Variants in ARHGAP32 observed in about 807,000 individuals in gnomAD.
ARHGAP32 encodes the protein rho GTPase-activating protein 32.
A neutral mutation model predicts 186.5 loss-of-function variants in ARHGAP32; 51 were observed. That is an observed-to-expected ratio of 0.27 (90% CI 0.22 to 0.35). The LOEUF is 0.35. ARHGAP32 is among the 10% of genes least tolerant of loss of function. The pLI, the probability that ARHGAP32 is intolerant of heterozygous loss-of-function variation, is 1.00. For synonymous variants in ARHGAP32, 950 were observed against 964.3 expected (o/e 0.99, Z 0.27); for missense variants, 2,186 against 2,623.5 (o/e 0.83, Z 3.64).
intron 6 of ARHGAP32, 57 bp from the exon 7 acceptor site, chr11:129,066,925 A>G: frequency 7.4e-7 from 1 of 1,358,812 alleles, no homozygotes. Context: ...ATACTTATGA[A>G]TCAGGCCATA....
chr11:129,041,099 C>T (rs966159119), intron 10 of ARHGAP32, 90 bp from the exon 11 acceptor site: 7 of 757,564 alleles, frequency 9.2e-6, no homozygotes, highest in East Asian at 2.8e-5. Context: ...ATGTATTCTA[C>T]AGTCCCTCCC....
Position 129,097,111 on chromosome 11 carries a change from C to CA in ARHGAP32, c.445-3405dup, listed in dbSNP as rs964246293. Among the ~76,000 whole-genome samples the CA allele has an allele frequency of 3.8e-3, 508 of 135,240 alleles. 1 individual carries two copies. Among genetic ancestry groups the CA allele is most frequent in the African/African-American group, 0.011 (386 of 36,726 alleles). 88.7% of individuals were successfully genotyped at this position (135,240 alleles called of 152,430 possible). A position where few individuals can be genotyped will look rare whatever the true frequency, so the allele number is the denominator to read the frequency against. On this transcript the variant is annotated intron_variant, in intron 5 of 22. Coordinates refer to ENST00000682385, the MANE Select transcript of ARHGAP32 (RefSeq NM_001378024.1). ...TCATTAGATTCAAATGTCCATTTTT[C>CA]AAAAAAAAAAAAATCACAAGGCATA...
chr11:129,098,344 C>T (rs1336692703), intron 5 of ARHGAP32, among the ~76,000 whole-genome samples: 1 of 152,218 alleles, frequency 6.6e-6, no homozygotes, highest in East Asian at 1.9e-4. Context: ...TTTTTGTTAT[C>T]TAAATGATTT....
chr11:129,193,726 A>ATATATTATATATTTATTATATAT (rs1555111394), upstream of ARHGAP32, among the ~76,000 whole-genome samples: 91 of 85,702 alleles, frequency 1.1e-3, no homozygotes, highest in African/African-American at 4.0e-3. Flanking sequence ...ATTATATATT[A>ATATATTATATATTTATTATATAT]TATATAATAT....
chr11:129,029,824 A>AAAC, intron 11 of ARHGAP32, among the ~76,000 whole-genome samples: 1 of 150,906 alleles, frequency 6.6e-6, no homozygotes, highest in Non-Finnish European at 1.5e-5. Context: ...AAAAAAAAAA[A>AAAC]AACGGGTAGG....
chr11:129,162,783 C>A (rs555681763), intron 2 of ARHGAP32, among the ~76,000 whole-genome samples: 10 of 152,196 alleles, frequency 6.6e-5, no homozygotes, highest in Admixed American at 2.0e-4. Flanking sequence ...ATATAAGAAA[C>A]ACTGACGATA....
rs371972872 is a variant in ARHGAP32 at position 128,968,989 on chromosome 11, T to C, written c.6224A>G (p.Tyr2075Cys). 4.0e-5 allele frequency: 64 copies of C among 1,604,054 alleles called. No homozygotes were observed. Among genetic ancestry groups the C allele is most frequent in the Non-Finnish European group, 5.2e-5 (61 of 1,173,112 alleles). The change falls in exon 23 of 23, where the codon TAT becomes TGT. Residue 2075 changes from tyrosine to cysteine, a missense_variant. Physicochemically the swap from Tyr to Cys is radical, Grantham distance 194. Around this residue, in one of 5 missense-constraint regions of ARHGAP32, gnomAD observed 1,502 missense variants for 1,570.0 expected, o/e 0.96. Coordinates refer to ENST00000682385, the MANE Select transcript of ARHGAP32 (RefSeq NM_001378024.1). ...GGCCCCTTGACCCAACGCTGTAGCA[T>C]AGGTCCTGCTCTGTGGATGGGGAAA... Reference protein sequence around the residue: ...PGFPHPQSRTYATALGQGAFL... With the variant: ...PGFPHPQSRTCATALGQGAFL...
At position 129,062,322 on chromosome 11, in the gene ARHGAP32, C is replaced by T. The variant is rs771862535; in HGVS notation, c.921G>A (p.Pro307=). 6.8e-6 allele frequency: 11 copies of T among 1,613,610 alleles called. No individual in the cohort carries two copies. The highest frequency in any genetic ancestry group is 6.7e-5 in the East Asian group (3 of 44,852). Residue 307 remains proline, a synonymous_variant, in exon 10 of 23, where the codon CCG becomes CCA. Transcript: ENST00000682385. ...GDIVSVIDMP[P]KVLSTWWRGK... ...CTCTCCACCATGTGCTTAACACTTT[C>T]GGGGGCATGTCAATAACAGAAACAA...
chr11:129,075,369 G>C (rs1941002819), intron 6 of ARHGAP32, among the ~76,000 whole-genome samples: 1 of 152,144 alleles, frequency 6.6e-6, no homozygotes, highest in Non-Finnish European at 1.5e-5. Context: ...AGACTTCAGA[G>C]CAAAGAAAGT....
intron 1 of ARHGAP32, among the ~76,000 whole-genome samples, chr11:129,168,317 A>G (rs1387811562): frequency 3.3e-5 from 5 of 152,188 alleles, no homozygotes; most frequent in Non-Finnish European, 7.3e-5. Flanking sequence ...TAGAAAATGG[A>G]AGGATTACAA....
In ARHGAP32 at chr11:128,971,057, A is replaced by C. The variant is rs146921997; in HGVS notation, c.4156T>G (p.Cys1386Gly). The change falls in exon 23 of 23, where the codon TGT becomes GGT. Residue 1386 changes from cysteine (C) to glycine (G), a missense_variant. Around this residue, in one of 5 missense-constraint regions of ARHGAP32, gnomAD observed 1,502 missense variants for 1,570.0 expected, o/e 0.96. Transcript: ENST00000682385. ...ISDSGAAAAQ[C>G]PMATAVQPGL... ...GGCTGGACAGCTGTAGCCATGGGACACTGAGCAGCAGCAGCACCACTGTCA... is the reference window on the plus strand; with the variant it reads ...GGCTGGACAGCTGTAGCCATGGGACCCTGAGCAGCAGCAGCACCACTGTCA... 7.8e-5 allele frequency: 126 copies of C among 1,614,046 alleles called. No individual in the cohort carries two copies. Among genetic ancestry groups the C allele is most frequent in the Non-Finnish European group, 9.9e-5 (117 of 1,180,042 alleles).
At position 129,063,362 on chromosome 11, in the gene ARHGAP32, T is replaced by C. The variant is rs139854869; in HGVS notation, c.885+540A>G. Among the ~76,000 whole-genome samples the C allele has an allele frequency of 3.1e-3, 468 of 152,268 alleles. 7 individuals carry two copies. The highest frequency in any genetic ancestry group is 0.011 in the African/African-American group (443 of 41,558). On this transcript the variant is annotated intron_variant, in intron 9 of 22. Coordinates refer to ENST00000682385, the MANE Select transcript of ARHGAP32 (RefSeq NM_001378024.1). ...TCTCTCATTAGCCAATATATATCTT[T>C]AGAGGAAAAAATTTAATTCCCCTCC...
intron 11 of ARHGAP32, among the ~76,000 whole-genome samples, chr11:129,038,229 G>T (rs1379909058): frequency 1.3e-5 from 2 of 152,028 alleles, no homozygotes; most frequent in Non-Finnish European, 2.9e-5. Flanking sequence ...CAACAGGAAA[G>T]AAATAATCTT....
intron 11 of ARHGAP32, among the ~76,000 whole-genome samples, chr11:129,004,487 G>A (rs1341613868): frequency 6.6e-6 from 1 of 151,958 alleles, no homozygotes; most frequent in Non-Finnish European, 1.5e-5. Context: ...AGCTATTATT[G>A]TATTGGGATC....
intron 1 of ARHGAP32, among the ~76,000 whole-genome samples, chr11:129,231,363 A>G (rs978402069): frequency 2.0e-5 from 3 of 152,172 alleles, no homozygotes; most frequent in Non-Finnish European, 4.4e-5. Context: ...CAAGGAAGTT[A>G]GTGTATTTCC....
intron 1 of ARHGAP32, among the ~76,000 whole-genome samples, chr11:129,228,615 T>G (rs1364989824): frequency 6.6e-6 from 1 of 151,810 alleles, no homozygotes. Flanking sequence ...AAACAGAAAA[T>G]CAAATACCAC....
intron 1 of ARHGAP32, among the ~76,000 whole-genome samples, chr11:129,239,300 CTG>C (rs1441109557): frequency 6.6e-6 from 1 of 152,202 alleles, no homozygotes; most frequent in Non-Finnish European, 1.5e-5. Context: ...AGCACTTACT[CTG>C]TTAGAACATG....
At chr11:129,258,802 A>T (rs902266849) in intron 1 of ARHGAP32, among the ~76,000 whole-genome samples, 6 of 152,180 alleles carry the variant, frequency 3.9e-5, no homozygotes, top group African/African-American at 1.4e-4. Flanking sequence ...TTTATTTTAA[A>T]TTTTTGATAA....
intron 5 of ARHGAP32, among the ~76,000 whole-genome samples, chr11:129,105,959 A>G (rs1942036463): frequency 1.3e-5 from 2 of 152,212 alleles, no homozygotes; most frequent in Admixed American, 1.3e-4. Flanking sequence ...TATTAAAAAA[A>G]CAAAGTCTGG....
Sources: gnomAD v4.1 joint callset for allele counts (sites outside exome capture counted in the v4.1 genomes callset) on GRCh38, gnomAD v4.1.1 for gene constraint, gnomAD v4.1.1 regional missense constraint, MANE v1.5 for transcripts, NCBI Gene and HGNC (gene_info 2026-07-23, HGNC 2026-07-21) for gene names.